Variants in OSBP2 observed in about 807,000 individuals in gnomAD.
The protein encoded by OSBP2 is oxysterol binding protein 2, also known as oxysterol-binding protein 2.
OSBP2 carries 66 observed loss-of-function variants against 96.0 expected under a neutral mutation model. That is an observed-to-expected ratio of 0.69 (90% CI 0.56 to 0.84). The LOEUF (loss-of-function observed/expected upper bound fraction) is 0.84, where lower values mean the gene tolerates loss of function less well. Among genes scored for constraint, OSBP2 ranks in the 40% least tolerant of loss-of-function variants. OSBP2 has a pLI of 0.00. For synonymous variants in OSBP2, 525 were observed against 520.9 expected, an observed-to-expected ratio of 1.01 and a Z score of -0.11; for missense variants, 1,038 against 1,222.7, an observed-to-expected ratio of 0.85 and a Z score of 2.25.
Position 30,881,721 on chromosome 22 carries a change from C to T in OSBP2, c.1108-5705C>T. 1 of 1,304,144 alleles carries T rather than the reference C, an allele frequency of 7.7e-7. No homozygotes were observed. Among genetic ancestry groups the T allele is most frequent in the Non-Finnish European group, 1.0e-6 (1 of 988,904 alleles). The allele number at this position is 1,304,144 out of a possible 1,614,324, so 80.8% of individuals were successfully genotyped here. A position where few individuals can be genotyped will look rare whatever the true frequency, so the allele number is the denominator to read the frequency against. ...GCAGGGCCACGCCAGGCGCCTGCCT[C>T]TCCCCACAGCACAGCCAGGATGGGG... is the stretch of plus-strand genomic sequence containing the variant. On this transcript the variant is annotated intron_variant, in intron 3 of 13. Coordinates refer to ENST00000332585, the MANE Select transcript of OSBP2 (RefSeq NM_030758.4). The surrounding 1 kb of genome is among the most constrained non-coding windows in gnomAD (Gnocchi z 4.5).
At chr22:30,875,085 G>A (rs528189930) in intron 3 of OSBP2, among the ~76,000 whole-genome samples, 107 of 152,238 alleles carry the variant, frequency 7.0e-4, no homozygotes, top group African/African-American at 2.4e-3. Context: ...AGTGGCCCAC[G>A]GCTCACATTT....
In OSBP2 at chr22:30,881,667, A is replaced by C. The variant is rs1335543962; in HGVS notation, c.1108-5759A>C. The C allele has an allele frequency of 1.7e-5, 22 of 1,303,868 alleles. No homozygotes were observed. Among genetic ancestry groups the C allele is most frequent in the Non-Finnish European group, 2.0e-5 (20 of 988,850 alleles). The allele number at this position is 1,303,868 out of a possible 1,614,324, so 80.8% of individuals were successfully genotyped here. A position where few individuals can be genotyped will look rare whatever the true frequency, so the allele number is the denominator to read the frequency against. ...TAATCCAGCTTATCAAGCACACAGC[A>C]CACAGCCCAGCTCAGCATTCTGAGA... is the stretch of plus-strand genomic sequence containing the variant. On this transcript the variant is annotated intron_variant, in intron 3 of 13. Transcript: ENST00000332585. This position sits in a 1 kb window ranked among gnomAD's most constrained non-coding sequence, Gnocchi z 4.5.
At chr22:30,702,994 C>A (rs998420730) in intron 1 of OSBP2, among the ~76,000 whole-genome samples, 1 of 152,154 alleles carries the variant, frequency 6.6e-6, no homozygotes, top group Admixed American at 6.5e-5. Flanking sequence ...TTGAATTTTT[C>A]TTAATTTGTC....
In OSBP2 at chr22:30,907,754, C is replaced by T. The variant is rs1399164282; in HGVS notation, c.*1415C>T. 6.5e-6 allele frequency: 1 copy of T among 152,680 alleles called. No homozygotes were observed. The highest frequency in any genetic ancestry group is 1.9e-4 in the East Asian group (1 of 5,196). 9.5% of individuals were successfully genotyped at this position (152,680 alleles called of 1,614,324 possible). The stretch of plus-strand genomic sequence containing the variant: ...TACAGAGCTGTGGAATGTACCTCTC[C>T]CCAACACTGTTTTGTTAGCGAGCAC... On this transcript the variant is annotated 3_prime_UTR_variant, in exon 14 of 14. Transcript: ENST00000332585.
intron 1 of OSBP2, among the ~76,000 whole-genome samples, chr22:30,727,488 C>T (rs773609937): frequency 6.6e-6 from 1 of 152,064 alleles, no homozygotes; most frequent in African/African-American, 2.4e-5. Context: ...AAATATAGCT[C>T]TCAGAGAAGA....
At chr22:30,724,579 C>A (rs891363819) in intron 1 of OSBP2, among the ~76,000 whole-genome samples, 9 of 152,174 alleles carry the variant, frequency 5.9e-5, no homozygotes, top group Non-Finnish European at 1.3e-4. Flanking sequence ...AATAATATTT[C>A]ATTGTCTAGA....
intron 2 of OSBP2, among the ~76,000 whole-genome samples, chr22:30,796,982 A>G (rs1350945275): frequency 2.0e-5 from 3 of 152,184 alleles, no homozygotes; most frequent in East Asian, 1.9e-4. Context: ...CTCTTGACCC[A>G]TGAAACAGTA....
At chr22:30,706,160 G>C (rs2089250259) in intron 1 of OSBP2, among the ~76,000 whole-genome samples, 1 of 152,152 alleles carries the variant, frequency 6.6e-6, no homozygotes, top group African/African-American at 2.4e-5. Context: ...GAACAAAATT[G>C]AAATTGGCAG....
intron 1 of OSBP2, among the ~76,000 whole-genome samples, chr22:30,705,664 C>T (rs1244404116): frequency 2.6e-5 from 4 of 152,122 alleles, no homozygotes; most frequent in Admixed American, 6.6e-5. Flanking sequence ...GAACCTTGTA[C>T]GTTTCTCAGG....
intron 1 of OSBP2, among the ~76,000 whole-genome samples, chr22:30,736,147 C>G (rs552527908): frequency 6.6e-6 from 1 of 152,194 alleles, no homozygotes; most frequent in South Asian, 2.1e-4. Flanking sequence ...CTCCTGACCT[C>G]AAGAGATCCA....
chr22:30,787,936 CG>C (rs2090617250), intron 2 of OSBP2, among the ~76,000 whole-genome samples: 1 of 152,044 alleles, frequency 6.6e-6, no homozygotes. Context: ...ACGGTAGTGT[CG>C]GAGGGTCTTG....
intron 2 of OSBP2, among the ~76,000 whole-genome samples, chr22:30,837,999 C>T (rs1168834652): frequency 6.6e-6 from 1 of 152,130 alleles, no homozygotes; most frequent in Non-Finnish European, 1.5e-5. Context: ...TGTACATTGT[C>T]AAATTTAATT....
chr22:30,822,644 G>A (rs1352621306), intron 2 of OSBP2: 1 of 1,533,392 alleles, frequency 6.5e-7, no homozygotes, highest in Non-Finnish European at 8.7e-7. Flanking sequence ...AAGGGACGCG[G>A]CTGCTGGGAC....
chr22:30,864,418 C>T (rs2147095022), intron 2 of OSBP2, among the ~76,000 whole-genome samples: 1 of 152,294 alleles, frequency 6.6e-6, no homozygotes, highest in Middle Eastern at 3.4e-3. Flanking sequence ...GAAAGAAATC[C>T]CGCAATGCGT....
chr22:30,703,821 TG>T (rs1387647747), intron 1 of OSBP2, among the ~76,000 whole-genome samples: 4 of 152,182 alleles, frequency 2.6e-5, no homozygotes, highest in African/African-American at 9.7e-5. Flanking sequence ...TCTGATGGCT[TG>T]CCTTGCACTG....
intron 2 of OSBP2, among the ~76,000 whole-genome samples, chr22:30,854,551 C>T (rs1322542109): frequency 2.0e-5 from 3 of 151,312 alleles, no homozygotes; most frequent in Non-Finnish European, 4.4e-5. Context: ...TCAGGTAATC[C>T]ACCCGCCTCA....
intron 1 of OSBP2, among the ~76,000 whole-genome samples, chr22:30,730,897 G>A (rs567437522): frequency 1.5e-4 from 23 of 148,400 alleles, no homozygotes; most frequent in South Asian, 1.3e-3. Context: ...AATGCTGGCC[G>A]GGCGCGGTGC....
intron 2 of OSBP2, among the ~76,000 whole-genome samples, chr22:30,785,029 C>T (rs2090567700): frequency 6.6e-6 from 1 of 152,266 alleles, no homozygotes; most frequent in South Asian, 2.1e-4. Flanking sequence ...CCACCTTGGC[C>T]TCCCAAAGTG....
intron 8 of OSBP2, 47 bp from the exon 9 acceptor site, chr22:30,893,075 T>C: frequency 1.9e-6 from 3 of 1,605,288 alleles, no homozygotes; most frequent in South Asian, 2.2e-5. Context: ...AAGTGGAACC[T>C]GGGCTCATGT....
Sources: allele counts gnomAD v4.1 joint callset (sites outside exome capture counted in the v4.1 genomes callset), GRCh38; gene constraint gnomAD v4.1.1; non-coding constraint Gnocchi (gnomAD v3.1); transcripts MANE v1.5; gene names NCBI Gene and HGNC (gene_info 2026-07-23, HGNC 2026-07-21).